RBFOX1: variants seen among roughly 807,000 people sequenced by gnomAD.
RBFOX1 encodes the protein RNA binding protein fox-1 homolog 1.
Under a neutral mutation model 57.7 loss-of-function variants are expected in RBFOX1, and 8 were observed. The ratio of observed to expected loss-of-function variants is 0.14; its 90% confidence interval spans 0.08 to 0.25. The LOEUF is 0.25. Ranked by LOEUF, RBFOX1 falls within the 10% of genes least tolerant of loss-of-function variation. The pLI, the probability that RBFOX1 is intolerant of heterozygous loss-of-function variation, is 1.00. For synonymous variants in RBFOX1, 326 were observed against 222.4 expected (o/e 1.47, Z -4.15); for missense variants, 611 against 548.5 (o/e 1.11, Z -1.14).
At chr16:7,590,626 G>T (rs927329656) in intron 7 of RBFOX1, among the ~76,000 whole-genome samples, 2 of 152,014 alleles carry the variant, frequency 1.3e-5, no homozygotes, top group African/African-American at 2.4e-5. Context: ...TTGGGAGGCC[G>T]AGGCAGGCGG....
chr16:6,159,275 C>T (rs575311034), intron 1 of RBFOX1, among the ~76,000 whole-genome samples: 83 of 152,216 alleles, frequency 5.5e-4, no homozygotes, highest in Middle Eastern at 3.4e-3. Flanking sequence ...CGGGGTTTCA[C>T]CATGTTGGCC....
At chr16:7,531,275 A>G (rs1034902463) in intron 5 of RBFOX1, among the ~76,000 whole-genome samples, 1 of 152,224 alleles carries the variant, frequency 6.6e-6, no homozygotes, top group African/African-American at 2.4e-5. Context: ...TTGGGCTGAA[A>G]GGAAGTTACA....
At chr16:7,282,117 C>T (rs963913876) in intron 4 of RBFOX1, among the ~76,000 whole-genome samples, 15 of 152,154 alleles carry the variant, frequency 9.9e-5, no homozygotes, top group Admixed American at 9.2e-4. Context: ...CCCACTTCAG[C>T]CTCCCAGAGT....
At chr16:5,654,597 G>A (rs9924080) in intron 3 of RBFOX1, among the ~76,000 whole-genome samples, 117,712 of 151,932 alleles carry the variant, frequency 0.77, 46,010 homozygotes, top group Admixed American at 0.84. Context: ...CACCCTGTTC[G>A]TTTCTCATCC....
At chr16:7,058,006 GAA>G (rs61023664) in intron 4 of RBFOX1, among the ~76,000 whole-genome samples, 65 of 136,662 alleles carry the variant, frequency 4.8e-4, no homozygotes, top group African/African-American at 1.7e-3. Flanking sequence ...AGACTGTGGG[GAA>G]AAAAAAAAAA....
intron 4 of RBFOX1, among the ~76,000 whole-genome samples, chr16:7,246,439 T>G (rs2094302573): frequency 6.6e-6 from 1 of 152,126 alleles, no homozygotes; most frequent in South Asian, 2.1e-4. Flanking sequence ...TGGCCTCCTG[T>G]TGAAAGCAGA....
At chr16:6,519,266 A>G (rs2096454248) in intron 2 of RBFOX1, among the ~76,000 whole-genome samples, 1 of 152,150 alleles carries the variant, frequency 6.6e-6, no homozygotes, top group South Asian at 2.1e-4. Flanking sequence ...TGCACCAGAA[A>G]GGGTCAAATG....
At chr16:6,571,951 G>C (rs2097350645) in intron 2 of RBFOX1, among the ~76,000 whole-genome samples, 2 of 152,060 alleles carry the variant, frequency 1.3e-5, no homozygotes, top group African/African-American at 2.4e-5. Flanking sequence ...TTTATATACA[G>C]TTGTACTCCT....
chr16:6,420,153 T>A (rs2093733938), intron 2 of RBFOX1, among the ~76,000 whole-genome samples: 1 of 152,176 alleles, frequency 6.6e-6, no homozygotes, highest in Non-Finnish European at 1.5e-5. Context: ...TCTTGCCTGC[T>A]TCAACTCTGC....
intron 1 of RBFOX1, among the ~76,000 whole-genome samples, chr16:6,165,361 A>T (rs1421652459): frequency 6.6e-6 from 1 of 152,202 alleles, no homozygotes; most frequent in Non-Finnish European, 1.5e-5. Flanking sequence ...ACCGTAAAGA[A>T]ACAATCGTGC....
At chr16:6,258,067 C>T (rs143300895) in intron 1 of RBFOX1, among the ~76,000 whole-genome samples, 2 of 152,296 alleles carry the variant, frequency 1.3e-5, no homozygotes, top group African/African-American at 4.8e-5. Context: ...CCCTTTGTGT[C>T]CGCATGATGT....
rs139981253 is a variant in RBFOX1, at chr16:6,334,261, G to A, written c.-64+17204G>A. ...GGTGGCTCACGCCTGTAATCCTAGC[G>A]CTTTGGGAGGCCAAGGTGGGCAGAT... On this transcript the variant is annotated intron_variant, in intron 2 of 15. Transcript: ENST00000550418. Among the ~76,000 whole-genome samples, 1,091 of 152,048 alleles carry A rather than the reference G, an allele frequency of 7.2e-3. 10 individuals are homozygous for A. Among genetic ancestry groups the A allele is most frequent in the African/African-American group, 0.023 (957 of 41,486 alleles).
chr16:7,168,033 G>C (rs890972552), intron 4 of RBFOX1, among the ~76,000 whole-genome samples: 4 of 152,048 alleles, frequency 2.6e-5, no homozygotes, highest in Non-Finnish European at 5.9e-5. Flanking sequence ...TATGAAGCAG[G>C]TTTTTTCCTC....
intron 2 of RBFOX1, among the ~76,000 whole-genome samples, chr16:6,628,372 G>C (rs1465992464): frequency 1.3e-5 from 2 of 152,148 alleles, no homozygotes; most frequent in African/African-American, 2.4e-5. Flanking sequence ...TTTATGTTTT[G>C]TGGTACATGG....
intron 4 of RBFOX1, among the ~76,000 whole-genome samples, chr16:5,928,700 T>TAAA (rs760181311): frequency 5.7e-5 from 6 of 105,840 alleles, no homozygotes; most frequent in Middle Eastern, 5.0e-3. Flanking sequence ...TTCTGCCCAA[T>TAAA]AAAAAAAAAA....
chr16:6,562,880 C>CTTTCTTTCTTTTTTT (rs746999419), intron 2 of RBFOX1, among the ~76,000 whole-genome samples: 4 of 51,778 alleles, frequency 7.7e-5, no homozygotes, highest in Non-Finnish European at 1.6e-4. Context: ...TTCTTTCTTT[C>CTTTCTTTCTTTTTTT]TTTTTTTTTT....
chr16:6,241,325 G>A (rs1357125021), intron 1 of RBFOX1, among the ~76,000 whole-genome samples: 3 of 152,216 alleles, frequency 2.0e-5, no homozygotes, highest in African/African-American at 7.2e-5. Flanking sequence ...GTCCTCATGG[G>A]TGGCAGACGT....
At chr16:5,678,579 G>C (rs1305848379) in intron 3 of RBFOX1, among the ~76,000 whole-genome samples, 1 of 152,176 alleles carries the variant, frequency 6.6e-6, no homozygotes, top group Admixed American at 6.5e-5. Context: ...GGATGGTTAC[G>C]TGGTTAATCA....
At chr16:6,075,193 T>G (rs1254015257) in intron 1 of RBFOX1, among the ~76,000 whole-genome samples, 1 of 152,158 alleles carries the variant, frequency 6.6e-6, no homozygotes, top group Non-Finnish European at 1.5e-5. Flanking sequence ...GGAGGTGAAA[T>G]TAACCAAAAG....
Sources: gnomAD v4.1 joint callset for allele counts (sites outside exome capture counted in the v4.1 genomes callset) on GRCh38, gnomAD v4.1.1 for gene constraint, MANE v1.5 for transcripts, NCBI Gene and HGNC (gene_info 2026-07-23, HGNC 2026-07-21) for gene names.